SFMBT1: variants seen among roughly 807,000 people sequenced by gnomAD.
The protein encoded by SFMBT1 is Scm like with four mbt domains 1.
A neutral mutation model predicts 108.7 loss-of-function variants in SFMBT1; 32 were observed. The ratio of observed to expected loss-of-function variants is 0.29; its 90% CI spans 0.22 to 0.40. SFMBT1 has a LOEUF of 0.40. Ranked by LOEUF, SFMBT1 falls within the 10% of genes least tolerant of loss-of-function variation. The pLI, the probability that SFMBT1 is intolerant of heterozygous loss-of-function variation, is 1.00. For missense variants in SFMBT1, 816 were observed against 1,059.6 expected, an observed-to-expected ratio of 0.77 and a Z score of 3.19; for synonymous variants, 348 against 369.5, an observed-to-expected ratio of 0.94 and a Z score of 0.67.
rs1437473660 is a variant in SFMBT1, at chr3:52,923,887, C to A, written c.1132-2056G>T. ...TGAAGGTCCAGAAAGAAAGTGCCCA[C>A]TGAGAACCTAGCACAGCGGATGAAA... On this transcript the variant is annotated intron_variant, in intron 10 of 20. Transcript: ENST00000394752. Among the ~76,000 whole-genome samples the A allele has an allele frequency of 4.0e-5, 6 of 148,370 alleles. No individual in the cohort carries two copies. In the East Asian group the frequency reaches 1.2e-3, roughly 29 times the overall value.
intron 5 of SFMBT1, among the ~76,000 whole-genome samples, chr3:52,932,953 CCAT>C (rs778993492): frequency 6.6e-6 from 1 of 151,864 alleles, no homozygotes; most frequent in African/African-American, 2.4e-5. Flanking sequence ...TATCAAAATA[CCAT>C]CATCATCATT....
intron 1 of SFMBT1, chr3:53,044,804 C>G (rs1187789679): frequency 1.3e-5 from 2 of 152,760 alleles, no homozygotes; most frequent in East Asian, 3.8e-4. Context: ...CTGCTTCGGG[C>G]GACCCGCTGG....
chr3:52,972,259 G>C (rs1258191582), intron 1 of SFMBT1, among the ~76,000 whole-genome samples: 2 of 152,200 alleles, frequency 1.3e-5, no homozygotes, highest in Admixed American at 1.3e-4. Flanking sequence ...TAAGTGGAGA[G>C]ATGCAAGTCT....
chr3:52,910,610 T>G (rs1233738309), intron 17 of SFMBT1, among the ~76,000 whole-genome samples: 1 of 152,128 alleles, frequency 6.6e-6, no homozygotes, highest in Non-Finnish European at 1.5e-5. Context: ...TGCCTCAGCC[T>G]CCCAAGCAGC....
At chr3:52,989,432 A>G (rs1705042091) in intron 1 of SFMBT1, among the ~76,000 whole-genome samples, 2 of 138,828 alleles carry the variant, frequency 1.4e-5, no homozygotes, top group Non-Finnish European at 3.2e-5. Context: ...CAAAAAAAAA[A>G]AAAAAAGAAA....
At chr3:52,984,359 C>T (rs1344644586) in intron 1 of SFMBT1, among the ~76,000 whole-genome samples, 1 of 151,372 alleles carries the variant, frequency 6.6e-6, no homozygotes, top group African/African-American at 2.4e-5. Context: ...ATTTGAACAT[C>T]ATAAAAAACT....
chr3:52,952,464 GGAT>G (rs1161434018), intron 3 of SFMBT1, among the ~76,000 whole-genome samples: 1 of 152,126 alleles, frequency 6.6e-6, no homozygotes, highest in Non-Finnish European at 1.5e-5. Context: ...ATGACTGTTT[GGAT>G]ATAGGCCCTT....
At chr3:52,924,896 A>G (rs1249902109) in intron 10 of SFMBT1, among the ~76,000 whole-genome samples, 3 of 152,182 alleles carry the variant, frequency 2.0e-5, no homozygotes, top group Non-Finnish European at 1.5e-5. Flanking sequence ...ATTATTATTG[A>G]GGATAAAAAT....
chr3:52,947,713 G>T (rs1006749232), intron 3 of SFMBT1, among the ~76,000 whole-genome samples: 3 of 151,580 alleles, frequency 2.0e-5, no homozygotes, highest in Non-Finnish European at 2.9e-5. Context: ...CTTTAAAAAG[G>T]TAGTGATTTT....
At chr3:52,933,060 T>C (rs1448363870) in intron 5 of SFMBT1, among the ~76,000 whole-genome samples, 1 of 152,336 alleles carries the variant, frequency 6.6e-6, no homozygotes, top group East Asian at 1.9e-4. Context: ...ATACACTCTT[T>C]TTCTCCATAC....
At chr3:53,029,713 T>C (rs968848973) in intron 1 of SFMBT1, among the ~76,000 whole-genome samples, 4 of 152,192 alleles carry the variant, frequency 2.6e-5, no homozygotes, top group African/African-American at 7.2e-5. Flanking sequence ...ACCTCAGTAG[T>C]CTGAAGACAT....
intron 8 of SFMBT1, chr3:52,928,627 C>CATAT (rs1183172752): frequency 0.11 from 894 of 8,362 alleles, 42 homozygotes; most frequent in African/African-American, 0.13. Flanking sequence ...TACATATATA[C>CATAT]ATATATATAC....
chr3:52,951,113 T>C (rs1394094852), intron 3 of SFMBT1, among the ~76,000 whole-genome samples: 40 of 1,740 alleles, frequency 0.023, no homozygotes, highest in East Asian at 0.17. Context: ...AAGACTCTTA[T>C]CTTAAAAAAA....
chr3:52,974,245 C>T (rs1024188532), intron 1 of SFMBT1, among the ~76,000 whole-genome samples: 1 of 152,132 alleles, frequency 6.6e-6, no homozygotes, highest in Non-Finnish European at 1.5e-5. Flanking sequence ...TACACTTATC[C>T]CTCAACAGAA....
chr3:52,992,518 C>T (rs2106898305), intron 1 of SFMBT1, among the ~76,000 whole-genome samples: 1 of 152,072 alleles, frequency 6.6e-6, no homozygotes, highest in East Asian at 1.9e-4. Flanking sequence ...TGCTTTATAT[C>T]GTGTATTTCT....
chr3:52,916,633 C>T (rs954914914), intron 13 of SFMBT1, among the ~76,000 whole-genome samples: 1 of 151,646 alleles, frequency 6.6e-6, no homozygotes, highest in South Asian at 2.1e-4. Context: ...CGTGCCACTG[C>T]ACTCCAGCCT....
chr3:53,033,166 C>CT (rs900622138), intron 1 of SFMBT1, among the ~76,000 whole-genome samples: 210 of 144,164 alleles, frequency 1.5e-3, no homozygotes, highest in Middle Eastern at 3.5e-3. Context: ...ATAAAATTTG[C>CT]TTTTTTTTTT....
chr3:52,938,286 T>G (rs149224417), intron 4 of SFMBT1, among the ~76,000 whole-genome samples: 42 of 152,338 alleles, frequency 2.8e-4, no homozygotes, highest in African/African-American at 9.6e-4. Context: ...TAACACTTAT[T>G]GATATTATTA....
chr3:53,033,363 GT>G (rs930823689), intron 1 of SFMBT1, among the ~76,000 whole-genome samples: 2 of 151,992 alleles, frequency 1.3e-5, no homozygotes, highest in African/African-American at 2.4e-5. Flanking sequence ...GTTTCACCAT[GT>G]TGGCCAGGCT....
Sources: gnomAD v4.1 joint callset for allele counts (sites outside exome capture counted in the v4.1 genomes callset) on GRCh38, gnomAD v4.1.1 for gene constraint, MANE v1.5 for transcripts, NCBI Gene and HGNC (gene_info 2026-07-23, HGNC 2026-07-21) for gene names.